WDR35: variants seen among roughly 807,000 people sequenced by gnomAD.
WDR35 encodes the protein WD repeat domain 35, also known as WD repeat-containing protein 35.
In WDR35, 118 loss-of-function variants were observed where a neutral mutation model predicts 158.3. The ratio of observed to expected loss-of-function variants is 0.75; its 90% CI spans 0.64 to 0.87. The LOEUF (loss-of-function observed/expected upper bound fraction) is 0.87, where lower values mean the gene tolerates loss of function less well. WDR35 is among the 40% of genes least tolerant of loss of function. The pLI is 0.00. For missense variants in WDR35, 1,263 were observed against 1,405.8 expected, an observed-to-expected ratio of 0.90 and a Z score of 1.62; for synonymous variants, 448 against 476.1, an observed-to-expected ratio of 0.94 and a Z score of 0.77.
rs1669858859 is a variant in WDR35, at chr2:19,912,159, G to C, written c.*1399C>G. The stretch of plus-strand genomic sequence containing the variant: ...TCCACTGGCACGTTACACTAACAGT[G>C]TTAATCTATCATTGCTTTCTCCTTG... On this transcript the variant is annotated 3_prime_UTR_variant, in exon 27 of 27. Transcript: ENST00000281405. The C allele has an allele frequency of 6.6e-6, 1 of 152,220 alleles. No homozygotes were observed. Among genetic ancestry groups the C allele is most frequent in the Non-Finnish European group, 1.5e-5 (1 of 68,046 alleles). 9.4% of individuals were successfully genotyped at this position (152,220 alleles called of 1,614,324 possible).
chr2:19,948,537 A>G (rs1307256006), intron 13 of WDR35, among the ~76,000 whole-genome samples: 1 of 152,166 alleles, frequency 6.6e-6, no homozygotes, highest in Non-Finnish European at 1.5e-5. Context: ...AACTTACACC[A>G]AGACAGGCAA....
rs1483161165 is a variant in WDR35 at position 19,982,534 on chromosome 2, T to C, written c.143A>G (p.Asp48Gly). The change falls in exon 3 of 27, where the codon GAT (aspartate) becomes GGT (glycine). Residue 48 changes from aspartate to glycine, a missense_variant and splice_region_variant. By Grantham distance (94) the Asp-to-Gly change is moderately conservative. Coordinates refer to ENST00000281405, the MANE Select transcript of WDR35 (RefSeq NM_020779.4). Reference sequence around the variant, plus strand: ...TGCAAGGCCCCTCAATTTTGCATCATCTAAAACAAAACAAAACAAACTACT... The same window carrying C: ...TGCAAGGCCCCTCAATTTTGCATCACCTAAAACAAAACAAAACAAACTACT... ...LKVLKLETQT[D>G]DAKLRGLAAP... 3.7e-6 allele frequency: 6 copies of C among 1,613,504 alleles called. No individual in the cohort carries two copies. The highest frequency in any genetic ancestry group is 5.1e-6 in the Non-Finnish European group (6 of 1,179,768).
intron 13 of WDR35, among the ~76,000 whole-genome samples, chr2:19,949,377 A>T (rs115097061): frequency 0.016 from 2,458 of 152,264 alleles, 57 homozygotes; most frequent in African/African-American, 0.056. Context: ...ACTATATGTA[A>T]CATGATTAGA....
At chr2:19,941,670 C>A in intron 17 of WDR35, 89 bp downstream of exon 17, 1 of 961,952 alleles carries the variant, frequency 1.0e-6, no homozygotes, top group East Asian at 2.8e-5. Flanking sequence ...ACTCCTGGGT[C>A]CACACTGCTA....
intron 13 of WDR35, among the ~76,000 whole-genome samples, chr2:19,950,687 AATGG>A (rs1345848857): frequency 1.3e-5 from 2 of 152,200 alleles, no homozygotes; most frequent in African/African-American, 2.4e-5. Flanking sequence ...AATTGAAAAA[AATGG>A]ATGGATATGT....
chr2:19,928,708 C>T (rs1220837939), intron 25 of WDR35, among the ~76,000 whole-genome samples: 2 of 152,174 alleles, frequency 1.3e-5, no homozygotes, highest in Admixed American at 6.5e-5. Flanking sequence ...ATCATCACAG[C>T]TACCACTTAT....
rs979894056 is a variant in WDR35, at chr2:19,965,861, C to A, written c.1194+863G>T. ...GTTTGTTTCTTTCTCCCACCAGGTA[C>A]CCCCAAGTCCTGTGCCTCTTTGGGA... is the stretch of plus-strand genomic sequence containing the variant. On this transcript the variant is annotated intron_variant, in intron 10 of 26. Transcript: ENST00000281405. 5.3e-5 allele frequency among the ~76,000 whole-genome samples: 8 copies of A among 152,266 alleles called. No homozygotes were observed. The South Asian group carries it at 1.7e-3, about 32-fold the overall frequency.
chr2:19,964,383 T>TC, intron 10 of WDR35, among the ~76,000 whole-genome samples: 1 of 144,816 alleles, frequency 6.9e-6, no homozygotes, highest in Non-Finnish European at 1.5e-5. Context: ...TTTCTTTTCT[T>TC]TTTTTTTTTT....
At chr2:19,972,699 C>T (rs1268791537) in intron 8 of WDR35, among the ~76,000 whole-genome samples, 1 of 151,422 alleles carries the variant, frequency 6.6e-6, no homozygotes, top group East Asian at 1.9e-4. Context: ...CATTTCTTGC[C>T]CTAAAAGAAA....
chr2:19,920,803 G>A (rs1023011548), intron 25 of WDR35, among the ~76,000 whole-genome samples: 3 of 152,152 alleles, frequency 2.0e-5, no homozygotes, highest in African/African-American at 7.2e-5. Context: ...CCTGTTTGCA[G>A]ATGACATGAT....
rs774226143 is a variant in WDR35, at chr2:19,930,532, A to G, written c.2985T>C (p.Gly995=). 7 of 1,613,998 alleles carry G rather than the reference A, an allele frequency of 4.3e-6. No individual in the cohort carries two copies. In the African/African-American group the frequency reaches 9.3e-5, roughly 22 times the overall value. Residue 995 remains glycine (G), a synonymous_variant, in exon 25 of 27, where the codon GGT becomes GGC. Coordinates refer to ENST00000281405, the MANE Select transcript of WDR35 (RefSeq NM_020779.4). ...KSSEATSALA[G]LLEEEVLSTT... ...TAGACAGAACTTCTTCTTCCAGCAA[A>G]CCAGCCAAGGCAGAAGTGGCCTACG...
intron 23 of WDR35, among the ~76,000 whole-genome samples, 182 bp from the exon 24 acceptor site, chr2:19,931,591 T>C (rs1372901056): frequency 3.3e-5 from 5 of 152,188 alleles, no homozygotes; most frequent in Non-Finnish European, 7.4e-5. Flanking sequence ...TAGTACCTAT[T>C]CGTATTTAGT....
At chr2:19,925,641 C>T (rs1231897636) in intron 25 of WDR35, among the ~76,000 whole-genome samples, 3 of 152,148 alleles carry the variant, frequency 2.0e-5, no homozygotes, top group Admixed American at 1.3e-4. Context: ...TTGTGAAGGG[C>T]CCGATGGACA....
At chr2:19,927,593 G>A (rs1992167) in intron 25 of WDR35, among the ~76,000 whole-genome samples, 12 of 152,130 alleles carry the variant, frequency 7.9e-5, no homozygotes, top group South Asian at 4.1e-4. Context: ...GATATGGCCC[G>A]CTCTAGGAGC....
At chr2:19,932,069 C>T (rs1670542428) in intron 23 of WDR35, among the ~76,000 whole-genome samples, 1 of 152,050 alleles carries the variant, frequency 6.6e-6, no homozygotes, top group South Asian at 2.1e-4. Flanking sequence ...ATTCAACATA[C>T]AATTGTTTAG....
chr2:19,962,217 C>T, intron 10 of WDR35: 1 of 1,494,954 alleles, frequency 6.7e-7, no homozygotes, highest in African/African-American at 1.4e-5. Flanking sequence ...CATATTGCTA[C>T]AGTTTCTGAT....
At chr2:19,956,951 T>A (rs1428226633) in intron 11 of WDR35, among the ~76,000 whole-genome samples, 1 of 152,210 alleles carries the variant, frequency 6.6e-6, no homozygotes, top group Non-Finnish European at 1.5e-5. Context: ...ATTTATTGAA[T>A]GTTTAAAAAT....
intron 25 of WDR35, among the ~76,000 whole-genome samples, chr2:19,924,408 C>T (rs990859556): frequency 2.6e-5 from 4 of 151,938 alleles, no homozygotes; most frequent in Non-Finnish European, 2.9e-5. Context: ...ACTAAAAATA[C>T]AAAAAATTCG....
chr2:19,962,472 T>G, intron 10 of WDR35: 1 of 758,158 alleles, frequency 1.3e-6, no homozygotes, highest in Non-Finnish European at 2.2e-6. Context: ...GTAATGCACA[T>G]TTTACATCAC....
Sources: allele counts gnomAD v4.1 joint callset (sites outside exome capture counted in the v4.1 genomes callset), GRCh38; gene constraint gnomAD v4.1.1; transcripts MANE v1.5; gene names NCBI Gene and HGNC (gene_info 2026-07-23, HGNC 2026-07-21).